HELQ: variants seen among roughly 807,000 people sequenced by gnomAD.
HELQ encodes helicase POLQ-like.
HELQ carries 77 observed loss-of-function variants against 111.6 expected under a neutral mutation model. That is an observed-to-expected ratio of 0.69 (90% confidence interval 0.57 to 0.83). HELQ has a LOEUF of 0.83. HELQ is among the 40% of genes least tolerant of loss of function. The pLI, the probability that HELQ is intolerant of heterozygous loss-of-function variation, is 0.00. For synonymous variants in HELQ, 438 were observed against 454.7 expected, an observed-to-expected ratio of 0.96 and a Z score of 0.47; for missense variants, 1,200 against 1,288.5, an observed-to-expected ratio of 0.93 and a Z score of 1.05.
At position 83,453,542 on chromosome 4, in the gene HELQ, TC is replaced by T. The variant is rs759081415; in HGVS notation, c.700del (p.Glu234AsnfsTer7). On this transcript the variant is annotated frameshift_variant, in exon 2 of 18. Transcript: ENST00000295488. LOFTEE classifies it high-confidence loss of function. ...TTGCTCTATGCAATTATGGGGCAGT[TC>T]CTCATTCACAGTGTTGTGAGAGGAT... Reference protein sequence around the residue: ...KSSSHNTVNEELPHNCIEQPQ... With the variant: ...KSSSHNTVNEXLPHNCIEQPQ... 1 of 1,613,640 alleles carries T rather than the reference TC, an allele frequency of 6.2e-7. No homozygotes were observed. Among genetic ancestry groups the T allele is most frequent in the African/African-American group, 1.3e-5 (1 of 74,884 alleles).
chr4:83,446,472 A>G (rs1721054577), intron 4 of HELQ, among the ~76,000 whole-genome samples: 1 of 151,916 alleles, frequency 6.6e-6, no homozygotes, highest in African/African-American at 2.4e-5. Context: ...ACGCCCGGCT[A>G]ATTTTTGTAT....
rs752844628 is a variant in HELQ at position 83,446,059 on chromosome 4, C to T, written c.1420G>A (p.Gly474Arg). The T allele has an allele frequency of 6.2e-7, 1 of 1,613,500 alleles. No homozygotes were observed. The highest frequency in any genetic ancestry group is 1.1e-5 in the South Asian group (1 of 91,052). The change falls in exon 5 of 18, where the codon GGA (glycine) becomes AGA (arginine). Residue 474 changes from glycine (G) to arginine (R), a missense_variant. Physicochemically the swap from Gly to Arg is moderately radical, Grantham distance 125. Coordinates refer to ENST00000295488, the MANE Select transcript of HELQ (RefSeq NM_133636.5). ...ELHMIGEGSR[G>R]ATLEMTLAKI... ...GCTAGGGTCATTTCCAGTGTAGCTCCACGGCTTCCTTCACCAATCATGTGC... is the reference window on the plus strand; with the variant it reads ...GCTAGGGTCATTTCCAGTGTAGCTCTACGGCTTCCTTCACCAATCATGTGC...
chr4:83,434,865 G>T (rs1249543025), intron 9 of HELQ, among the ~76,000 whole-genome samples: 1 of 152,156 alleles, frequency 6.6e-6, no homozygotes, highest in Non-Finnish European at 1.5e-5. Context: ...GAATCTAAGA[G>T]GCCTCAACCC....
intron 1 of HELQ, among the ~76,000 whole-genome samples, chr4:83,454,636 G>C (rs1030612532): frequency 2.6e-5 from 4 of 151,298 alleles, no homozygotes; most frequent in African/African-American, 9.7e-5. Flanking sequence ...GCCTAGGCTG[G>C]TTTTGAACGC....
intron 2 of HELQ, among the ~76,000 whole-genome samples, chr4:83,451,614 T>C (rs1721372760): frequency 6.6e-6 from 1 of 150,602 alleles, no homozygotes; most frequent in Admixed American, 6.6e-5. Context: ...TGCAGTGAGC[T>C]GAGATGCGCC....
chr4:83,434,197 C>G (rs1346624774), intron 9 of HELQ, among the ~76,000 whole-genome samples: 1 of 151,314 alleles, frequency 6.6e-6, no homozygotes, highest in Non-Finnish European at 1.5e-5. Context: ...ATGGCGAAAC[C>G]CCGACTCTAC....
intron 14 of HELQ, 71 bp downstream of exon 14, chr4:83,425,923 T>C: frequency 1.3e-6 from 1 of 769,052 alleles, no homozygotes; most frequent in Non-Finnish European, 2.2e-6. Context: ...CTAATTTTGT[T>C]GAGTGAACTT....
chr4:83,438,001 AATG>A (rs1316305078), intron 8 of HELQ, among the ~76,000 whole-genome samples: 3 of 152,224 alleles, frequency 2.0e-5, no homozygotes, highest in Non-Finnish European at 4.4e-5. Context: ...GAATTTTTTT[AATG>A]ATAATTTAAT....
At chr4:83,414,661 G>T (rs1739271335) in intron 17 of HELQ, among the ~76,000 whole-genome samples, 1 of 152,026 alleles carries the variant, frequency 6.6e-6, no homozygotes, top group Middle Eastern at 3.2e-3. Flanking sequence ...TTGAACCTAT[G>T]AGCACATACT....
At chr4:83,408,971 G>A (rs997109551) in intron 17 of HELQ, among the ~76,000 whole-genome samples, 1 of 152,154 alleles carries the variant, frequency 6.6e-6, no homozygotes, top group Non-Finnish European at 1.5e-5. Context: ...GCTTTTAGGG[G>A]AGAGAATGGG....
At chr4:83,451,087 C>T (rs1011441431) in intron 2 of HELQ, among the ~76,000 whole-genome samples, 3 of 152,152 alleles carry the variant, frequency 2.0e-5, no homozygotes, top group African/African-American at 7.2e-5. Context: ...TGCATTTATG[C>T]TTTAATCTGG....
intron 15 of HELQ, among the ~76,000 whole-genome samples, 193 bp downstream of exon 15, chr4:83,421,370 A>G (rs550206640): frequency 1.3e-5 from 2 of 152,238 alleles, no homozygotes; most frequent in African/African-American, 4.8e-5. Context: ...TATTGTTACC[A>G]TAAGTACATA....
chr4:83,414,631 T>G (rs534446234), intron 17 of HELQ, among the ~76,000 whole-genome samples: 13 of 152,330 alleles, frequency 8.5e-5, no homozygotes, highest in Admixed American at 6.5e-4. Context: ...TATTAATGGG[T>G]TATAACCCAT....
intron 12 of HELQ, among the ~76,000 whole-genome samples, chr4:83,429,103 A>C (rs1056768655): frequency 6.6e-6 from 1 of 152,040 alleles, no homozygotes; most frequent in African/African-American, 2.4e-5. Context: ...AGATTAATGT[A>C]ATTAATATAA....
Position 83,437,000 on chromosome 4 carries a change from T to A in HELQ, c.1906A>T (p.Ile636Phe). 6.2e-7 allele frequency: 1 copy of A among 1,614,182 alleles called. No individual in the cohort carries two copies. The highest frequency in any genetic ancestry group is 8.5e-7 in the Non-Finnish European group (1 of 1,180,018). Residue 636 changes from isoleucine to phenylalanine, a missense_variant, in exon 9 of 18, where the codon ATC becomes TTC. By Grantham distance (21) the Ile-to-Phe change is conservative (BLOSUM62 0). This residue lies in a region of HELQ where 585 missense variants were observed against 665.3 expected (regional missense o/e 0.88). Coordinates refer to ENST00000295488, the MANE Select transcript of HELQ (RefSeq NM_133636.5). ...TGGTGATAGGCAACTCCAAATGGGA[T>A]AGTGCGCTTTAAAACAGGACACAGG... ...GNLCPVLKRT[I>F]PFGVAYHHSG...
intron 16 of HELQ, among the ~76,000 whole-genome samples, chr4:83,417,373 T>C (rs1372052022): frequency 1.3e-5 from 2 of 152,092 alleles, no homozygotes; most frequent in Non-Finnish European, 2.9e-5. Flanking sequence ...TGGCTAATTT[T>C]TGTATTTTTA....
At chr4:83,446,170 T>C (rs923798425) in intron 4 of HELQ, 84 bp from the exon 5 acceptor site, 4 of 955,992 alleles carry the variant, frequency 4.2e-6, no homozygotes, top group Non-Finnish European at 6.6e-6. Flanking sequence ...ATATGAAATT[T>C]GTTTGTAAAG....
intron 5 of HELQ, 143 bp from the exon 6 acceptor site, chr4:83,443,757 T>C (rs772847582): frequency 4.0e-5 from 20 of 501,926 alleles, no homozygotes; most frequent in Non-Finnish European, 6.8e-5. Context: ...GTAAGAAAAA[T>C]ACAAATAGCT....
rs766542654 is a variant in HELQ, at chr4:83,426,098, T to A, written c.2677-6A>T. 4.6e-6 allele frequency: 7 copies of A among 1,513,006 alleles called. No homozygotes were observed. Among genetic ancestry groups the A allele is most frequent in the Non-Finnish European group, 6.4e-6 (7 of 1,095,356 alleles). The allele number at this position is 1,513,006 out of a possible 1,614,324, so 93.7% of individuals were successfully genotyped here. A position where few individuals can be genotyped will look rare whatever the true frequency, so the allele number is the denominator to read the frequency against. On this transcript the variant is annotated splice_region_variant and splice_polypyrimidine_tract_variant and intron_variant, in intron 13 of 17. Transcript: ENST00000295488. ...GCTGGACTGAGTTGGCTAAACTACA[T>A]GGAAAAAGAGCAAATAGATGGAAAC... is the stretch of plus-strand genomic sequence containing the variant.
Sources: gnomAD v4.1 joint callset for allele counts (sites outside exome capture counted in the v4.1 genomes callset) on GRCh38, gnomAD v4.1.1 for gene constraint, gnomAD v4.1.1 regional missense constraint, MANE v1.5 for transcripts, NCBI Gene and HGNC (gene_info 2026-07-23, HGNC 2026-07-21) for gene names.